Variants in MPP7 observed in about 807,000 individuals in gnomAD.
The protein encoded by MPP7 is MAGUK p55 scaffold protein 7.
Under a neutral mutation model 76.5 loss-of-function variants are expected in MPP7, and 60 were observed. The observed-to-expected ratio is 0.78, with a 90% CI of 0.64 to 0.97. MPP7 has a LOEUF of 0.97. Ranked by LOEUF, MPP7 falls within the 50% of genes least tolerant of loss-of-function variation. The probability of loss-of-function intolerance (pLI) is 0.00; values close to 1 mark genes in which losing one functional copy is unlikely to be tolerated. For synonymous variants in MPP7, 237 were observed against 244.5 expected, an observed-to-expected ratio of 0.97 and a Z score of 0.29; for missense variants, 641 against 694.0, an observed-to-expected ratio of 0.92 and a Z score of 0.86.
At chr10:28,220,911 A>C (rs1331881650) in intron 2 of MPP7, among the ~76,000 whole-genome samples, 1 of 152,202 alleles carries the variant, frequency 6.6e-6, no homozygotes, top group African/African-American at 2.4e-5. Context: ...TCTTTATCAT[A>C]TCCTCTTAGA....
At chr10:28,103,357 C>T (rs1275142208) in intron 11 of MPP7, among the ~76,000 whole-genome samples, 2 of 150,874 alleles carry the variant, frequency 1.3e-5, no homozygotes, top group African/African-American at 4.9e-5. Context: ...TGGATCCTGT[C>T]TTGGGGCCTT....
chr10:28,125,576 C>A (rs2133645203), intron 6 of MPP7, among the ~76,000 whole-genome samples: 1 of 152,018 alleles, frequency 6.6e-6, no homozygotes, highest in Non-Finnish European at 1.5e-5. Flanking sequence ...ATCCTTCTAT[C>A]ACCCTCAGTT....
At chr10:28,184,884 G>A (rs1471556248) in intron 3 of MPP7, among the ~76,000 whole-genome samples, 1 of 145,392 alleles carries the variant, frequency 6.9e-6, no homozygotes, top group Non-Finnish European at 1.5e-5. Context: ...TTTTTATAAT[G>A]TAATATAAAA....
At chr10:28,108,599 G>A (rs1834400127) in intron 11 of MPP7, among the ~76,000 whole-genome samples, 1 of 152,088 alleles carries the variant, frequency 6.6e-6, no homozygotes, top group Admixed American at 6.6e-5. Flanking sequence ...GGAGGTTGCA[G>A]AGAGCCGAGA....
chr10:28,288,482 C>T (rs1055519558), intron 1 of MPP7, among the ~76,000 whole-genome samples: 19 of 152,274 alleles, frequency 1.2e-4, no homozygotes, highest in Middle Eastern at 3.4e-3. Context: ...CTCAAGTGAT[C>T]GTCCCACCTC....
At chr10:28,235,670 A>G (rs1236298993) in intron 2 of MPP7, among the ~76,000 whole-genome samples, 2 of 152,230 alleles carry the variant, frequency 1.3e-5, no homozygotes, top group African/African-American at 2.4e-5. Flanking sequence ...AATCTTTAAG[A>G]TAACTATTAA....
chr10:28,323,092 C>T (rs1834381120), intron 2 of MPP7, among the ~76,000 whole-genome samples: 1 of 152,130 alleles, frequency 6.6e-6, no homozygotes, highest in South Asian at 2.1e-4. Context: ...TGAGACCATC[C>T]TGGCTAACAC....
At chr10:28,185,524 G>A (rs149236575) in intron 3 of MPP7, among the ~76,000 whole-genome samples, 1 of 152,214 alleles carries the variant, frequency 6.6e-6, no homozygotes, top group African/African-American at 2.4e-5. Flanking sequence ...GATGCAGACA[G>A]CAAAAGGTCC....
chr10:28,161,637 AAAC>A (rs1229173854), intron 3 of MPP7, among the ~76,000 whole-genome samples: 1 of 152,108 alleles, frequency 6.6e-6, no homozygotes, highest in Non-Finnish European at 1.5e-5. Context: ...TCCTATTCCT[AAAC>A]AACATTTCCT....
At position 28,210,983 on chromosome 10, in the gene MPP7, A is replaced by AT. The variant is rs570864606; in HGVS notation, c.38-8713dup. Among the ~76,000 whole-genome samples, 438 of 152,326 alleles carry AT rather than the reference A, an allele frequency of 2.9e-3. 1 individual carries two copies. Among genetic ancestry groups the AT allele is most frequent in the African/African-American group, 9.8e-3 (406 of 41,574 alleles). On this transcript the variant is annotated intron_variant, in intron 2 of 16. Transcript: ENST00000683449. ...ATGTGCCACTTACTTTTTGTTAAAGATAAAAACTATATGCTTTGAGATCAC... is the reference window on the plus strand; with the variant it reads ...ATGTGCCACTTACTTTTTGTTAAAGATTAAAAACTATATGCTTTGAGATCAC...
chr10:28,160,059 G>A (rs1836205858), intron 3 of MPP7, among the ~76,000 whole-genome samples: 2 of 151,276 alleles, frequency 1.3e-5, no homozygotes, highest in African/African-American at 4.9e-5. Context: ...TTATTCATTG[G>A]CAACAATACA....
At chr10:28,316,062 A>G (rs1437274273) in intron 2 of MPP7, among the ~76,000 whole-genome samples, 1 of 152,220 alleles carries the variant, frequency 6.6e-6, no homozygotes, top group Non-Finnish European at 1.5e-5. Context: ...AGACTGCCAT[A>G]GTTTAAAGAG....
At chr10:28,054,765 C>T (rs933462043) in intron 16 of MPP7, among the ~76,000 whole-genome samples, 1 of 152,150 alleles carries the variant, frequency 6.6e-6, no homozygotes, top group African/African-American at 2.4e-5. Flanking sequence ...CAACCTCTGC[C>T]TCCGGGGTCC....
chr10:28,261,801 C>A (rs532449893), intron 1 of MPP7, among the ~76,000 whole-genome samples: 1 of 152,150 alleles, frequency 6.6e-6, no homozygotes, highest in East Asian at 1.9e-4. Flanking sequence ...AACCTCAACA[C>A]TTTGGGAGGC....
chr10:28,205,611 A>T (rs966115028), intron 2 of MPP7, among the ~76,000 whole-genome samples: 3 of 152,176 alleles, frequency 2.0e-5, no homozygotes, highest in Non-Finnish European at 4.4e-5. Context: ...AAGAAAAATC[A>T]GTCACAGCTC....
At chr10:28,331,446 C>T (rs1297380815) in intron 1 of MPP7, among the ~76,000 whole-genome samples, 2 of 152,110 alleles carry the variant, frequency 1.3e-5, no homozygotes, top group East Asian at 3.8e-4. Context: ...TATAATAGTA[C>T]AATATTTAAC....
rs1266861993 is a variant in MPP7, at chr10:28,089,634, C to T, written c.1123+37G>A. On this transcript the variant is annotated intron_variant, in intron 12 of 16. Transcript: ENST00000683449. The stretch of plus-strand genomic sequence containing the variant: ...GAAGAGAAATTCTTACTAGCTCACT[C>T]ATTTCCTCAGAATTACTCACAGAAA... The T allele has an allele frequency of 1.9e-6, 3 of 1,578,094 alleles. No homozygotes were observed. In the East Asian group the frequency reaches 6.7e-5, roughly 35 times the overall value.
intron 3 of MPP7, among the ~76,000 whole-genome samples, chr10:28,200,479 T>C (rs954161563): frequency 9.2e-5 from 14 of 152,248 alleles, no homozygotes; most frequent in African/African-American, 1.4e-4. Flanking sequence ...TACCCTCCGC[T>C]ATGCTTTCTA....
At chr10:28,246,896 A>T (rs1839452906) in intron 1 of MPP7, among the ~76,000 whole-genome samples, 1 of 152,150 alleles carries the variant, frequency 6.6e-6, no homozygotes, top group Non-Finnish European at 1.5e-5. Flanking sequence ...CAAGTTGTCT[A>T]ATGTTTCCCA....
Sources: gnomAD v4.1 joint callset for allele counts (sites outside exome capture counted in the v4.1 genomes callset) on GRCh38, gnomAD v4.1.1 for gene constraint, MANE v1.5 for transcripts, NCBI Gene and HGNC (gene_info 2026-07-23, HGNC 2026-07-21) for gene names.